PTPRN2: variants seen among roughly 807,000 people sequenced by gnomAD.
PTPRN2 encodes receptor-type tyrosine-protein phosphatase N2.
Under a neutral mutation model 118.8 loss-of-function variants are expected in PTPRN2, and 74 were observed. The observed-to-expected ratio is 0.62, with a 90% CI of 0.52 to 0.76. PTPRN2 has a LOEUF of 0.76. PTPRN2 is among the 30% of genes least tolerant of loss of function. PTPRN2 has a pLI of 0.00. For missense variants in PTPRN2, 1,481 were observed against 1,394.4 expected, an observed-to-expected ratio of 1.06 and a Z score of -0.99; for synonymous variants, 641 against 608.0, an observed-to-expected ratio of 1.05 and a Z score of -0.80.
At chr7:158,021,960 G>A (rs1806908222) in intron 11 of PTPRN2, among the ~76,000 whole-genome samples, 2 of 152,172 alleles carry the variant, frequency 1.3e-5, no homozygotes, top group Admixed American at 6.5e-5. Flanking sequence ...CCTGTGGAGA[G>A]GCAGAGAAAT....
At chr7:157,576,544 A>G (rs1800051688) in intron 19 of PTPRN2, 69 bp downstream of exon 19, 1 of 1,414,038 alleles carries the variant, frequency 7.1e-7, no homozygotes, top group Non-Finnish European at 9.5e-7. Context: ...TCTCAGGAGC[A>G]CCGAAGCCTC....
chr7:158,086,328 C>T (rs1413383675), intron 10 of PTPRN2, among the ~76,000 whole-genome samples: 4 of 152,194 alleles, frequency 2.6e-5, no homozygotes, highest in African/African-American at 9.6e-5. Flanking sequence ...CACAGCCTGG[C>T]GTCCGCCTGC....
At position 158,138,499 on chromosome 7, in the gene PTPRN2, G is replaced by A; in HGVS notation, c.927C>T (p.Thr309=). The change falls in exon 7 of 23, where the codon ACC becomes ACT. Residue 309 remains threonine, a synonymous_variant. Transcript: ENST00000389418. ...GCTGCCTCTGCAGGTCCTTCAGGAG[G>A]GTATGAATCCGTGCTCCTAGGGGCA... ...SSTGDGARIH[T]LLKDLQRQPA... 1.9e-6 allele frequency: 3 copies of A among 1,612,050 alleles called. No individual in the cohort carries two copies. Among genetic ancestry groups the A allele is most frequent in the South Asian group, 1.1e-5 (1 of 91,082 alleles).
intron 2 of PTPRN2, among the ~76,000 whole-genome samples, chr7:158,444,404 C>T (rs73729616): frequency 0.019 from 2,867 of 152,354 alleles, 96 homozygotes; most frequent in African/African-American, 0.065. Flanking sequence ...TTTGTTTCTC[C>T]CTGAAAACCT....
At chr7:157,776,974 T>TCCTTCTCCTCCTCCCTCTC (rs1803365269) in intron 12 of PTPRN2, among the ~76,000 whole-genome samples, 1 of 37,164 alleles carries the variant, frequency 2.7e-5, no homozygotes, top group Non-Finnish European at 5.6e-5. Flanking sequence ...TCCTCCATCT[T>TCCTTCTCCTCCTCCCTCTC]CTCCTTCTCC....
At position 157,913,026 on chromosome 7, in the gene PTPRN2, T is replaced by C. The variant is rs190239119; in HGVS notation, c.1724-14289A>G. Among the ~76,000 whole-genome samples, 3 of 152,360 alleles carry C rather than the reference T, an allele frequency of 2.0e-5. No individual in the cohort carries two copies. The East Asian group carries it at 5.8e-4, about 29-fold the overall frequency. On this transcript the variant is annotated intron_variant, in intron 11 of 22. Transcript: ENST00000389418. ...AATTTTATTGAATCTAGAAGTTTGA[T>C]TGTTATTAATAGCATCATTATTCCC...
rs1374167557 is a variant in PTPRN2, at chr7:157,578,138, C to A, written c.2499G>T (p.Met833Ile). ...TCACCACGCAGCCGCTCTCCCACAC[C>A]ATCTGCGGACAAAGAAGGCCCGTGG... Reference protein sequence around the residue: ...LPATVADFWQMVWESGCVVIV... With the variant: ...LPATVADFWQIVWESGCVVIV... Residue 833 changes from methionine to isoleucine, a missense_variant and splice_region_variant, in exon 18 of 23, where the codon ATG becomes ATT. Physicochemically the swap from Met to Ile is conservative, Grantham distance 10. Around this residue, in one of 3 missense-constraint regions of PTPRN2, gnomAD observed 362 missense variants for 384.1 expected, o/e 0.94. Transcript: ENST00000389418. 1.2e-6 allele frequency: 2 copies of A among 1,607,198 alleles called. No individual in the cohort carries two copies. Among genetic ancestry groups the A allele is most frequent in the South Asian group, 1.1e-5 (1 of 90,774 alleles).
chr7:157,675,737 C>G (rs1042509553), intron 13 of PTPRN2, among the ~76,000 whole-genome samples: 1 of 152,124 alleles, frequency 6.6e-6, no homozygotes, highest in Non-Finnish European at 1.5e-5. Context: ...CCTCGGGCAG[C>G]GCTTCAGAGC....
chr7:157,712,681 G>A (rs1239771010), intron 12 of PTPRN2, among the ~76,000 whole-genome samples: 1 of 151,526 alleles, frequency 6.6e-6, no homozygotes, highest in Non-Finnish European at 1.5e-5. Flanking sequence ...AACGGAGGAG[G>A]TGGAGGTTGC....
At chr7:158,131,023 TAC>T (rs535903013) in intron 9 of PTPRN2, among the ~76,000 whole-genome samples, 2,195 of 147,194 alleles carry the variant, frequency 0.015, 52 homozygotes, top group African/African-American at 0.053. Context: ...CATACTCATA[TAC>T]ACACACTTAT....
intron 11 of PTPRN2, among the ~76,000 whole-genome samples, chr7:157,972,145 C>G (rs1468288174): frequency 6.6e-6 from 1 of 152,196 alleles, no homozygotes; most frequent in African/African-American, 2.4e-5. Flanking sequence ...TGGAGCATAT[C>G]ACAAGATTGC....
chr7:158,436,827 T>C (rs1294560620), intron 2 of PTPRN2, among the ~76,000 whole-genome samples: 6 of 152,222 alleles, frequency 3.9e-5, no homozygotes, highest in African/African-American at 1.4e-4. Flanking sequence ...CCAGATTTTC[T>C]CTTAAACTTT....
chr7:158,166,816 G>A (rs187524620), intron 6 of PTPRN2, 115 bp downstream of exon 6: 49 of 1,276,026 alleles, frequency 3.8e-5, no homozygotes, highest in African/African-American at 2.7e-4. Flanking sequence ...ACGCGTCCTC[G>A]GGGGAGTGCG....
intron 2 of PTPRN2, among the ~76,000 whole-genome samples, chr7:158,337,595 A>G (rs1262440524): frequency 9.0e-4 from 84 of 93,816 alleles, no homozygotes; most frequent in African/African-American, 2.9e-3. Flanking sequence ...GACGTCACTC[A>G]CACCCACACT....
At chr7:157,548,768 T>G (rs748575740) in intron 22 of PTPRN2, among the ~76,000 whole-genome samples, 178 bp downstream of exon 22, 3 of 152,146 alleles carry the variant, frequency 2.0e-5, no homozygotes, top group Non-Finnish European at 4.4e-5. Flanking sequence ...CCAGTGGACC[T>G]TTGGGGGCCC....
chr7:157,872,767 G>A (rs2151266282), intron 12 of PTPRN2, among the ~76,000 whole-genome samples: 1 of 152,358 alleles, frequency 6.6e-6, no homozygotes, highest in Middle Eastern at 3.4e-3. Context: ...TCCTTGGAGT[G>A]TCCCCTCCCC....
intron 11 of PTPRN2, among the ~76,000 whole-genome samples, chr7:157,940,450 TG>T (rs1799979874): frequency 6.6e-6 from 1 of 151,964 alleles, no homozygotes; most frequent in East Asian, 1.9e-4. Flanking sequence ...CCCTCCCCTG[TG>T]ACACTGCAAA....
chr7:157,758,535 A>G (rs1801943212), intron 12 of PTPRN2, among the ~76,000 whole-genome samples: 1 of 152,206 alleles, frequency 6.6e-6, no homozygotes, highest in Non-Finnish European at 1.5e-5. Context: ...TTGGGAGGCT[A>G]AAGGGAGCCG....
intron 16 of PTPRN2, among the ~76,000 whole-genome samples, chr7:157,602,426 A>T (rs1417064058): frequency 6.6e-6 from 1 of 151,090 alleles, no homozygotes; most frequent in African/African-American, 2.4e-5. Flanking sequence ...AGAGCTGAGC[A>T]CCGTCCGCCA....
Sources: allele counts gnomAD v4.1 joint callset (sites outside exome capture counted in the v4.1 genomes callset), GRCh38; gene constraint gnomAD v4.1.1; regional missense constraint gnomAD v4.1.1; transcripts MANE v1.5; gene names NCBI Gene and HGNC (gene_info 2026-07-23, HGNC 2026-07-21).